FARP1: variants seen among roughly 807,000 people sequenced by gnomAD.
FARP1 encodes FERM, ARHGEF and pleckstrin domain-containing protein 1.
In FARP1, 52 loss-of-function variants were observed where a neutral mutation model predicts 128.8. The observed-to-expected ratio is 0.40, with a 90% CI of 0.32 to 0.51. FARP1 has a LOEUF of 0.51. FARP1 is among the 20% of genes least tolerant of loss of function. FARP1 has a pLI of 0.45. For synonymous variants in FARP1, 580 were observed against 551.8 expected, an observed-to-expected ratio of 1.05 and a Z score of -0.72; for missense variants, 1,333 against 1,367.9, an observed-to-expected ratio of 0.97 and a Z score of 0.40.
At chr13:98,228,871 G>A (rs1329685) in intron 2 of FARP1, among the ~76,000 whole-genome samples, 1 of 152,050 alleles carries the variant, frequency 6.6e-6, no homozygotes, top group Non-Finnish European at 1.5e-5. Context: ...TTACTAAAGG[G>A]ATTAGATGTT....
At chr13:98,239,233 T>G (rs749970650) in intron 2 of FARP1, among the ~76,000 whole-genome samples, 1 of 152,218 alleles carries the variant, frequency 6.6e-6, no homozygotes, top group Non-Finnish European at 1.5e-5. Context: ...TTTACGCAGC[T>G]GTCTCCTATT....
chr13:98,389,000 C>T (rs893633975), intron 9 of FARP1, among the ~76,000 whole-genome samples: 2 of 152,262 alleles, frequency 1.3e-5, no homozygotes, highest in Non-Finnish European at 2.9e-5. Flanking sequence ...GAGGAGAAGC[C>T]TCTTCTTTGT....
At chr13:98,412,344 G>A (rs1301289271) in intron 16 of FARP1, among the ~76,000 whole-genome samples, 12 of 152,208 alleles carry the variant, frequency 7.9e-5, no homozygotes, top group Non-Finnish European at 1.3e-4. Context: ...AAGAGTAGGG[G>A]CTTAGGAAGG....
chr13:98,292,433 C>A (rs1248820388), intron 2 of FARP1, among the ~76,000 whole-genome samples: 1 of 152,192 alleles, frequency 6.6e-6, no homozygotes, highest in Non-Finnish European at 1.5e-5. Flanking sequence ...TTTGTCAAAA[C>A]ACTTTAGGCT....
chr13:98,373,523 CAG>C (rs1491318513), intron 5 of FARP1, among the ~76,000 whole-genome samples: 12 of 119,526 alleles, frequency 1.0e-4, no homozygotes, highest in African/African-American at 4.5e-4. Context: ...TTTCCAGAGA[CAG>C]ACAGACAGAC....
chr13:98,388,377 T>C lies in FARP1; in HGVS notation c.760-6T>C. On this transcript the variant is annotated splice_polypyrimidine_tract_variant and splice_region_variant and intron_variant, in intron 8 of 26. Coordinates refer to ENST00000319562, the MANE Select transcript of FARP1 (RefSeq NM_005766.4). The stretch of plus-strand genomic sequence containing the variant: ...CCTGGCTCACTGCTACTGTCTTTCT[T>C]TTTAGGGTTTCACTAAGATCAATGC... 1 of 1,611,384 alleles carries C rather than the reference T, an allele frequency of 6.2e-7. No individual in the cohort carries two copies. Among genetic ancestry groups the C allele is most frequent in the Admixed American group, 1.7e-5 (1 of 60,012 alleles).
At chr13:98,249,031 A>G (rs779761310) in intron 2 of FARP1, among the ~76,000 whole-genome samples, 3 of 152,228 alleles carry the variant, frequency 2.0e-5, no homozygotes, top group Non-Finnish European at 4.4e-5. Context: ...GTCTTTTAAC[A>G]GAAACACACA....
At chr13:98,147,499 GACCACAAGAGTAACTT>G (rs2139075776) in intron 1 of FARP1, among the ~76,000 whole-genome samples, 1 of 151,942 alleles carries the variant, frequency 6.6e-6, no homozygotes, top group South Asian at 2.1e-4. Context: ...AATAACCTCT[GACCACAAGAGTAACTT>G]CACTTTATGT....
intron 13 of FARP1, chr13:98,398,664 G>T (rs1890647154): frequency 6.6e-6 from 1 of 152,098 alleles, no homozygotes; most frequent in Admixed American, 6.5e-5. Flanking sequence ...TATGGTGAGG[G>T]TTTTGCAGTT....
chr13:98,373,529 G>GACGGACACACACAC (rs1264346715), intron 5 of FARP1, among the ~76,000 whole-genome samples: 6 of 79,240 alleles, frequency 7.6e-5, no homozygotes, highest in African/African-American at 3.6e-4. Flanking sequence ...GAGACAGACA[G>GACGGACACACACAC]ACAGACACAC....
chr13:98,306,679 T>C (rs1886178438), intron 2 of FARP1, among the ~76,000 whole-genome samples: 1 of 36,174 alleles, frequency 2.8e-5, no homozygotes, highest in African/African-American at 7.6e-5. Flanking sequence ...CACACCCGGC[T>C]AACTTTTTTT....
intron 19 of FARP1, 53 bp downstream of exon 19, chr13:98,435,759 C>A: frequency 6.3e-7 from 1 of 1,586,926 alleles, no homozygotes; most frequent in Non-Finnish European, 8.7e-7. Context: ...AAGGAGGCAT[C>A]GGAGGGACTT....
intron 1 of FARP1, among the ~76,000 whole-genome samples, chr13:98,189,217 A>G (rs1358694182): frequency 6.6e-6 from 1 of 151,254 alleles, no homozygotes; most frequent in African/African-American, 2.4e-5. Flanking sequence ...CAAGTAGATC[A>G]GGCAGCTGGG....
intron 2 of FARP1, among the ~76,000 whole-genome samples, chr13:98,259,158 C>T (rs1883753919): frequency 6.6e-6 from 1 of 152,102 alleles, no homozygotes; most frequent in South Asian, 2.1e-4. Context: ...CTGCAGTGAT[C>T]CATGGTTGTG....
chr13:98,347,070 A>G (rs1888208200), intron 3 of FARP1, among the ~76,000 whole-genome samples: 2 of 152,220 alleles, frequency 1.3e-5, no homozygotes, highest in Admixed American at 6.5e-5. Context: ...TCTTGCTTGT[A>G]TGAACTGAGG....
intron 19 of FARP1, chr13:98,436,061 T>C: frequency 3.1e-6 from 1 of 327,536 alleles, no homozygotes; most frequent in East Asian, 8.2e-5. Context: ...TAAATAGTAA[T>C]AAAGCCAGAA....
intron 2 of FARP1, among the ~76,000 whole-genome samples, chr13:98,342,777 CA>C (rs1476512239): frequency 6.6e-6 from 1 of 152,042 alleles, no homozygotes; most frequent in Non-Finnish European, 1.5e-5. Flanking sequence ...GTAATCCCAG[CA>C]CTTTGGGAGG....
chr13:98,326,319 C>T (rs1480223035), intron 2 of FARP1, among the ~76,000 whole-genome samples: 1 of 152,162 alleles, frequency 6.6e-6, no homozygotes, highest in Non-Finnish European at 1.5e-5. Context: ...GTTAAAAAAA[C>T]CCACCTACAT....
intron 1 of FARP1, among the ~76,000 whole-genome samples, chr13:98,147,738 C>T (rs1481901764): frequency 6.6e-6 from 1 of 151,858 alleles, no homozygotes; most frequent in Non-Finnish European, 1.5e-5. Context: ...CTCATTGCAG[C>T]CTTGACCTCT....
Sources: gnomAD v4.1 joint callset for allele counts (sites outside exome capture counted in the v4.1 genomes callset) on GRCh38, gnomAD v4.1.1 for gene constraint, MANE v1.5 for transcripts, NCBI Gene and HGNC (gene_info 2026-07-23, HGNC 2026-07-21) for gene names.